Variants in ZNF649 observed in about 807,000 individuals in gnomAD.
ZNF649 encodes zinc finger protein 649.
A neutral mutation model predicts 14.1 loss-of-function variants in ZNF649; 7 were observed. The observed-to-expected ratio is 0.49, with a 90% CI of 0.28 to 0.93. The LOEUF (loss-of-function observed/expected upper bound fraction) is 0.93, where lower values mean the gene tolerates loss of function less well. ZNF649 is among the 40% of genes least tolerant of loss of function. The probability of loss-of-function intolerance (pLI) is 0.10; values close to 1 mark genes in which losing one functional copy is unlikely to be tolerated. For missense variants in ZNF649, 544 were observed against 608.1 expected (o/e 0.89, Z 1.11); for synonymous variants, 227 against 212.3 (o/e 1.07, Z -0.60).
In ZNF649 at chr19:51,890,468, T is replaced by C; in HGVS notation, c.*150A>G. On this transcript the variant is annotated 3_prime_UTR_variant, in exon 5 of 5. Transcript: ENST00000354957. ...ATGAAAAACAATATTGTGGGAGGGGTAGTGAGGTTTATAAGATATAAAAAA... is the reference window on the plus strand; with the variant it reads ...ATGAAAAACAATATTGTGGGAGGGGCAGTGAGGTTTATAAGATATAAAAAA... 2 of 576,904 alleles carry C rather than the reference T, an allele frequency of 3.5e-6. No homozygotes were observed. Among genetic ancestry groups the C allele is most frequent in the Non-Finnish European group, 6.0e-6 (2 of 331,088 alleles). The allele number at this position is 576,904 out of a possible 1,614,324, so 35.7% of individuals were successfully genotyped here.
At chr19:51,897,763 A>G (rs940707847) in intron 2 of ZNF649, among the ~76,000 whole-genome samples, 8 of 152,328 alleles carry the variant, frequency 5.3e-5, no homozygotes, top group African/African-American at 1.7e-4. Context: ...GAAAAAAAGT[A>G]TACAGAGGGG....
At chr19:51,901,620 G>C (rs904411710) in intron 1 of ZNF649, among the ~76,000 whole-genome samples, 1 of 151,738 alleles carries the variant, frequency 6.6e-6, no homozygotes, top group African/African-American at 2.4e-5. Flanking sequence ...ACTCTAGCCT[G>C]GGCAACAGAG....
At position 51,900,274 on chromosome 19, in the gene ZNF649, T is replaced by G; in HGVS notation, c.-167A>C. 56 of 498,182 alleles carry G rather than the reference T, an allele frequency of 1.1e-4. No homozygotes were observed. The highest frequency in any genetic ancestry group is 2.3e-4 in the East Asian group (7 of 30,292). 30.9% of individuals were successfully genotyped at this position (498,182 alleles called of 1,614,324 possible). ...TCCTCCTTCCTTCATTTGAACTCTC[T>G]TGCTTCTGGGGAGCCAGGACCTATG... On this transcript the variant is annotated 5_prime_UTR_variant, in exon 2 of 5. Coordinates refer to ENST00000354957, the MANE Select transcript of ZNF649 (RefSeq NM_023074.4).
At chr19:51,903,656 T>C (rs1360948863) in intron 1 of ZNF649, among the ~76,000 whole-genome samples, 1 of 152,060 alleles carries the variant, frequency 6.6e-6, no homozygotes, top group Non-Finnish European at 1.5e-5. Flanking sequence ...CTGTCTCTAC[T>C]AAAAATACAA....
intron 1 of ZNF649, among the ~76,000 whole-genome samples, chr19:51,901,201 C>T (rs1352767447): frequency 1.3e-5 from 2 of 152,140 alleles, no homozygotes; most frequent in East Asian, 1.9e-4. Context: ...CACTGCCTAA[C>T]ATTCACCAAA....
chr19:51,899,744 C>A (rs1273052561), intron 2 of ZNF649: 2 of 237,122 alleles, frequency 8.4e-6, no homozygotes, highest in East Asian at 1.6e-4. Context: ...ACTGACATCC[C>A]CTGAGGAACG....
chr19:51,892,783 A>G (rs2085032888), intron 4 of ZNF649, among the ~76,000 whole-genome samples: 1 of 152,214 alleles, frequency 6.6e-6, no homozygotes, highest in Non-Finnish European at 1.5e-5. Context: ...AGAGATCACA[A>G]GACTGATGGA....
rs768291325 is a variant in ZNF649 at position 51,896,971 on chromosome 19, A to G, written c.23T>C (p.Leu8Pro). The G allele has an allele frequency of 1.9e-6, 3 of 1,614,210 alleles. No individual in the cohort carries two copies. ...GTCCACAGCCACATCCTCCAGGGTC[A>G]GTGATTCCTGTAATAACACAGTCCT... MTKAQESLTLEDVAVDFT... is the reference protein window; with the variant it reads MTKAQESPTLEDVAVDFT... Residue 8 changes from leucine (L) to proline (P), a missense_variant, in exon 3 of 5, where the codon CTG becomes CCG. Transcript: ENST00000354957.
rs761260693 is a variant in ZNF649 at position 51,896,992 on chromosome 19, G to A, written c.16-14C>T. 1.2e-5 allele frequency: 19 copies of A among 1,613,934 alleles called. No homozygotes were observed. Among genetic ancestry groups the A allele is most frequent in the Admixed American group, 1.7e-5 (1 of 59,994 alleles). ...GGTCAGTGATTCCTGTAATAACACA[G>A]TCCTGCTTAATATGTTTCTCTTTTA... On this transcript the variant is annotated splice_polypyrimidine_tract_variant and intron_variant, in intron 2 of 4. Transcript: ENST00000354957.
At chr19:51,898,013 G>A (rs554758274) in intron 2 of ZNF649, among the ~76,000 whole-genome samples, 6 of 147,880 alleles carry the variant, frequency 4.1e-5, no homozygotes, top group South Asian at 2.2e-4. Context: ...CATGAGAATC[G>A]CTTGAACCCA....
intron 4 of ZNF649, among the ~76,000 whole-genome samples, chr19:51,894,448 C>G (rs1477580611): frequency 2.0e-5 from 3 of 152,112 alleles, no homozygotes; most frequent in Non-Finnish European, 4.4e-5. Context: ...GGCTAATCTT[C>G]TGACAGTCCC....
chr19:51,894,137 T>G (rs2085043368), intron 4 of ZNF649, among the ~76,000 whole-genome samples: 1 of 151,930 alleles, frequency 6.6e-6, no homozygotes, highest in African/African-American at 2.4e-5. Flanking sequence ...AATCTTTTTT[T>G]TTTCTTTTTT....
At chr19:51,893,080 T>C (rs923361583) in intron 4 of ZNF649, among the ~76,000 whole-genome samples, 3 of 152,114 alleles carry the variant, frequency 2.0e-5, no homozygotes, top group African/African-American at 4.8e-5. Flanking sequence ...GCAGCTATGA[T>C]TGGACAGGAG....
chr19:51,898,204 C>T lies in ZNF649; in HGVS notation c.16-1226G>A, dbSNP rs572208589. On this transcript the variant is annotated intron_variant, in intron 2 of 4. Coordinates refer to ENST00000354957, the MANE Select transcript of ZNF649 (RefSeq NM_023074.4). ...GATGCCAACTGGGTATCCTAGAGTT[C>T]GATGCTATGCTAACACTAACCGCTG... Among the ~76,000 whole-genome samples the T allele has an allele frequency of 7.2e-5, 11 of 151,888 alleles. No individual in the cohort carries two copies. In the South Asian group the frequency reaches 8.3e-4, roughly 11 times the overall value.
Position 51,900,183 on chromosome 19 carries a change from G to T in ZNF649, c.-76C>A, listed in dbSNP as rs2122771397. On this transcript the variant is annotated 5_prime_UTR_variant, in exon 2 of 5. Coordinates refer to ENST00000354957, the MANE Select transcript of ZNF649 (RefSeq NM_023074.4). ...TTCTTCTGGATCCTCCCTAAATTTTGGCTAAGAAATCTGAGTCTCCATTTA... is the reference window on the plus strand; with the variant it reads ...TTCTTCTGGATCCTCCCTAAATTTTTGCTAAGAAATCTGAGTCTCCATTTA... 7.5e-7 allele frequency: 1 copy of T among 1,325,818 alleles called. No individual in the cohort carries two copies. Among genetic ancestry groups the T allele is most frequent in the East Asian group, 2.6e-5 (1 of 39,128 alleles). The allele number at this position is 1,325,818 out of a possible 1,614,324, so 82.1% of individuals were successfully genotyped here. A position where few individuals can be genotyped will look rare whatever the true frequency, so the allele number is the denominator to read the frequency against.
intron 1 of ZNF649, among the ~76,000 whole-genome samples, chr19:51,903,724 C>G (rs1306774229): frequency 6.6e-6 from 1 of 152,122 alleles, no homozygotes; most frequent in Non-Finnish European, 1.5e-5. Context: ...GAGGCTGAGG[C>G]AGGACAGTCG....
Position 51,890,270 on chromosome 19 carries a change from C to A in ZNF649, c.*348G>T. Reference sequence around the variant, plus strand: ...ATTTTCATGTACATATGTGTATACACAAAAAGATTTGTGAACTTGAACAAG... The same window carrying A: ...ATTTTCATGTACATATGTGTATACAAAAAAAGATTTGTGAACTTGAACAAG... On this transcript the variant is annotated 3_prime_UTR_variant, in exon 5 of 5. Transcript: ENST00000354957. 4.8e-6 allele frequency: 1 copy of A among 208,518 alleles called. No individual in the cohort carries two copies. The highest frequency in any genetic ancestry group is 2.3e-5 in the African/African-American group (1 of 43,268). The allele number at this position is 208,518 out of a possible 1,614,324, so 12.9% of individuals were successfully genotyped here.
chr19:51,890,779 A>C lies in ZNF649; in HGVS notation c.1357T>G (p.Ser453Ala). Residue 453 changes from serine to alanine, a missense_variant, in exon 5 of 5, where the codon TCA becomes GCA. Coordinates refer to ENST00000354957, the MANE Select transcript of ZNF649 (RefSeq NM_023074.4). The stretch of plus-strand genomic sequence containing the variant: ...ACTGAATCCCCCCGTTTCTCCCTTG[A>C]GTGTATTCTCTTATGTTTAACAAGG... ...SCLVKHKRIH[S>A]REKRGDSVKV... 6.2e-7 allele frequency: 1 copy of C among 1,614,150 alleles called. No individual in the cohort carries two copies. Among genetic ancestry groups the C allele is most frequent in the South Asian group, 1.1e-5 (1 of 91,076 alleles).
chr19:51,903,362 CCTGG>C (rs2085105456), intron 1 of ZNF649, among the ~76,000 whole-genome samples: 1 of 152,096 alleles, frequency 6.6e-6, no homozygotes, highest in Non-Finnish European at 1.5e-5. Context: ...GGTTAGTTGC[CCTGG>C]CAACCAGCCT....
Sources: allele counts gnomAD v4.1 joint callset (sites outside exome capture counted in the v4.1 genomes callset), GRCh38; gene constraint gnomAD v4.1.1; transcripts MANE v1.5; gene names NCBI Gene and HGNC (gene_info 2026-07-23, HGNC 2026-07-21).